Variants in GALNT5 observed in about 807,000 individuals in gnomAD.
GALNT5 encodes UDP-GalNAc:polypeptide N-acetylgalactosaminyltransferase 5.
In GALNT5, 72 loss-of-function variants were observed where a neutral mutation model predicts 85.4. That is an observed-to-expected ratio of 0.84 (90% CI 0.70 to 1.03). The LOEUF (loss-of-function observed/expected upper bound fraction) is 1.03. GALNT5 is among the 50% of genes least tolerant of loss of function. The pLI is 0.00. For synonymous variants in GALNT5, 404 were observed against 397.0 expected (o/e 1.02, Z -0.21); for missense variants, 1,137 against 1,135.5 (o/e 1.00, Z -0.02).
At chr2:157,263,524 T>C (rs1682395568) in intron 1 of GALNT5, among the ~76,000 whole-genome samples, 1 of 152,246 alleles carries the variant, frequency 6.6e-6, no homozygotes. Flanking sequence ...GTTTATTCTG[T>C]GTTCTTCATT....
At chr2:157,270,981 T>C (rs1381848003) in intron 1 of GALNT5, among the ~76,000 whole-genome samples, 1 of 151,968 alleles carries the variant, frequency 6.6e-6, no homozygotes, top group African/African-American at 2.4e-5. Flanking sequence ...CCAGGCGTGG[T>C]GGCAGGTGCC....
chr2:157,272,360 C>T (rs559762998), intron 1 of GALNT5, among the ~76,000 whole-genome samples: 1 of 152,264 alleles, frequency 6.6e-6, no homozygotes. Flanking sequence ...CCCTCATTTA[C>T]CTTTTACTCC....
rs1406608762 is a variant in GALNT5, at chr2:157,316,841, G to A, written c.*5493G>A. Among the ~76,000 whole-genome samples, 1 of 151,968 alleles carries A rather than the reference G, an allele frequency of 6.6e-6. No individual in the cohort carries two copies. Among genetic ancestry groups the A allele is most frequent in the Non-Finnish European group, 1.5e-5 (1 of 67,966 alleles). On this transcript the variant is annotated 3_prime_UTR_variant, in exon 10 of 10. Transcript: ENST00000259056. Reference sequence around the variant, plus strand: ...AATAGTTATCATTTCAATTAGAGTCGCTTTGCAAGTTTATGTGAATCTTTG... The same window carrying A: ...AATAGTTATCATTTCAATTAGAGTCACTTTGCAAGTTTATGTGAATCTTTG...
chr2:157,311,344 C>A lies in GALNT5; in HGVS notation c.2819C>A (p.Ala940Asp), dbSNP rs149833454. ...QKWKFEKYYEA is the reference protein window; with the variant it reads ...QKWKFEKYYED ...TGGAAATTTGAAAAATATTATGAAG[C>A]CTGAAGTGTAACTGATGTTTTTATA... Residue 940 changes from alanine (A) to aspartate (D), a missense_variant, in exon 10 of 10, where the codon GCC becomes GAC. Physicochemically the swap from Ala to Asp is moderately radical, Grantham distance 126. Coordinates refer to ENST00000259056, the MANE Select transcript of GALNT5 (RefSeq NM_014568.3). The A allele has an allele frequency of 6.3e-7, 1 of 1,595,376 alleles. No homozygotes were observed. Among genetic ancestry groups the A allele is most frequent in the Non-Finnish European group, 8.6e-7 (1 of 1,168,726 alleles).
Position 157,258,144 on chromosome 2 carries a change from C to T in GALNT5, c.62C>T (p.Ala21Val), listed in dbSNP as rs1402085199. 1.2e-6 allele frequency: 2 copies of T among 1,614,046 alleles called. No homozygotes were observed. The highest frequency in any genetic ancestry group is 2.2e-5 in the South Asian group (2 of 91,086). Residue 21 changes from alanine (A) to valine (V), a missense_variant, in exon 1 of 10, where the codon GCT (alanine) becomes GTT (valine). By Grantham distance (64) the Ala-to-Val change is moderately conservative. Transcript: ENST00000259056. ...SGRVLAFIFV[A>V]SVIWLLFDMA... ...CGAGTCTTGGCATTTATCTTTGTAG[C>T]TTCTGTCATCTGGCTCCTCTTTGAC...
rs1043454907 is a variant in GALNT5 at position 157,314,004 on chromosome 2, T to TA, written c.*2657dup. The TA allele has an allele frequency of 2.6e-5, 4 of 152,168 alleles. No homozygotes were observed. The highest frequency in any genetic ancestry group is 9.7e-5 in the African/African-American group (4 of 41,446). 9.4% of individuals were successfully genotyped at this position (152,168 alleles called of 1,614,324 possible). A position where few individuals can be genotyped will look rare whatever the true frequency, so the allele number is the denominator to read the frequency against. ...GAGTGTATTGATTTATTATTACATC[T>TA]ACTACCAACATTTTCTTAAGCATAG... On this transcript the variant is annotated 3_prime_UTR_variant, in exon 10 of 10. Transcript: ENST00000259056.
intron 1 of GALNT5, among the ~76,000 whole-genome samples, chr2:157,267,819 GA>G (rs1459272478): frequency 6.6e-6 from 1 of 152,212 alleles, no homozygotes; most frequent in Admixed American, 6.5e-5. Context: ...TAAATTTTCT[GA>G]ATCAGTAGCC....
Position 157,316,693 on chromosome 2 carries a change from T to C in GALNT5, c.*5345T>C, listed in dbSNP as rs1683712693. Among the ~76,000 whole-genome samples, 1 of 152,190 alleles carries C rather than the reference T, an allele frequency of 6.6e-6. No homozygotes were observed. On this transcript the variant is annotated 3_prime_UTR_variant, in exon 10 of 10. Transcript: ENST00000259056. ...TTTGAATAAGCCATATAAAGTATTATATATCCCTAATGAAGCTTAATGGAT... is the reference window on the plus strand; with the variant it reads ...TTTGAATAAGCCATATAAAGTATTACATATCCCTAATGAAGCTTAATGGAT...
rs148727503 is a variant in GALNT5 at position 157,306,498 on chromosome 2, G to A, written c.2520+669G>A. Among the ~76,000 whole-genome samples, 1,454 of 152,312 alleles carry A rather than the reference G, an allele frequency of 9.5e-3. 91 individuals carry two copies. The highest frequency in any genetic ancestry group is 0.085 in the Admixed American group (1,301 of 15,294). ...AATAGAGACTCCTTCCACAGTGCTGGAGGTGAGCTCTGAGTGATTACACTT... is the reference window on the plus strand; with the variant it reads ...AATAGAGACTCCTTCCACAGTGCTGAAGGTGAGCTCTGAGTGATTACACTT... On this transcript the variant is annotated intron_variant, in intron 8 of 9. Transcript: ENST00000259056.
intron 3 of GALNT5, among the ~76,000 whole-genome samples, chr2:157,290,730 C>A (rs1376704469): frequency 1.3e-5 from 2 of 152,136 alleles, no homozygotes; most frequent in East Asian, 3.9e-4. Context: ...AAGTAACAGG[C>A]AAGGGTGAGA....
Position 157,259,311 on chromosome 2 carries a change from T to C in GALNT5, c.1229T>C (p.Ile410Thr), listed in dbSNP as rs767164780. The change falls in exon 1 of 10, where the codon ATA becomes ACA. Residue 410 changes from isoleucine to threonine, a missense_variant. Transcript: ENST00000259056. ...APSTEYNQSH[I>T]KALLPEDSGT... ...TCTACAGAATACAACCAGAGTCATA[T>C]AAAAGCCCTTTTACCTGAAGACAGT... is the stretch of plus-strand genomic sequence containing the variant. 2.5e-6 allele frequency: 4 copies of C among 1,591,934 alleles called. No homozygotes were observed. The highest frequency in any genetic ancestry group is 1.8e-5 in the Admixed American group (1 of 54,852).
chr2:157,291,282 T>C (rs1683091838), intron 3 of GALNT5, among the ~76,000 whole-genome samples: 1 of 152,192 alleles, frequency 6.6e-6, no homozygotes, highest in African/African-American at 2.4e-5. Context: ...GACATTTCTA[T>C]GAGCATTCTA....
At chr2:157,306,161 A>G (rs1683452045) in intron 8 of GALNT5, among the ~76,000 whole-genome samples, 1 of 152,230 alleles carries the variant, frequency 6.6e-6, no homozygotes, top group Non-Finnish European at 1.5e-5. Context: ...GTTAGGTAAT[A>G]CATATGAAGC....
At chr2:157,291,765 A>C (rs1277938841) in intron 3 of GALNT5, among the ~76,000 whole-genome samples, 1 of 151,882 alleles carries the variant, frequency 6.6e-6, no homozygotes, top group East Asian at 1.9e-4. Flanking sequence ...TATATTCTTT[A>C]ACCCGCCTCT....
rs976997685 is a variant in GALNT5, at chr2:157,295,381, T to A, written c.1742-282T>A. Among the ~76,000 whole-genome samples the A allele has an allele frequency of 1.5e-3, 221 of 152,294 alleles. 1 individual carries two copies. The highest frequency in any genetic ancestry group is 5.1e-3 in the African/African-American group (210 of 41,570). ...CTCAGAGGGGACTTCAGCAACTACA[T>A]TTAATACCAAGTATTCTTTTCAGAT... On this transcript the variant is annotated intron_variant, in intron 3 of 9. Coordinates refer to ENST00000259056, the MANE Select transcript of GALNT5 (RefSeq NM_014568.3).
chr2:157,286,926 G>GTGTA (rs1682989553), intron 3 of GALNT5, among the ~76,000 whole-genome samples: 1 of 151,156 alleles, frequency 6.6e-6, no homozygotes, highest in Non-Finnish European at 1.5e-5. Flanking sequence ...GTGTGTGTGT[G>GTGTA]TGTGTGTGTG....
At position 157,311,363 on chromosome 2, in the gene GALNT5, T is replaced by A; in HGVS notation, c.*15T>A. On this transcript the variant is annotated 3_prime_UTR_variant, in exon 10 of 10. Coordinates refer to ENST00000259056, the MANE Select transcript of GALNT5 (RefSeq NM_014568.3). ...ATGAAGCCTGAAGTGTAACTGATGT[T>A]TTTATATAGTAAACCCATTAAATAC... The A allele has an allele frequency of 6.5e-7, 1 of 1,539,854 alleles. No homozygotes were observed. The highest frequency in any genetic ancestry group is 8.9e-7 in the Non-Finnish European group (1 of 1,123,984).
At chr2:157,268,781 T>C (rs886438617) in intron 1 of GALNT5, among the ~76,000 whole-genome samples, 4 of 142,890 alleles carry the variant, frequency 2.8e-5, no homozygotes, top group East Asian at 2.0e-4. Flanking sequence ...AATCTAAGCC[T>C]AGATTCCCCC....
At chr2:157,305,667 T>A (rs563713813) in intron 7 of GALNT5, 82 bp from the exon 8 acceptor site, 1 of 781,842 alleles carries the variant, frequency 1.3e-6, no homozygotes, top group East Asian at 2.6e-5. Flanking sequence ...TAGTTTTATA[T>A]TCTGTATTTT....
Sources: gnomAD v4.1 joint callset for allele counts (sites outside exome capture counted in the v4.1 genomes callset) on GRCh38, gnomAD v4.1.1 for gene constraint, MANE v1.5 for transcripts, NCBI Gene and HGNC (gene_info 2026-07-23, HGNC 2026-07-21) for gene names.